ZFHX3: variants seen among roughly 807,000 people sequenced by gnomAD.
ZFHX3 encodes the protein zinc finger homeobox protein 3.
ZFHX3 carries 42 observed loss-of-function variants against 279.1 expected under a neutral mutation model. The observed-to-expected ratio is 0.15, with a 90% CI of 0.12 to 0.19. The LOEUF (loss-of-function observed/expected upper bound fraction) is 0.19. Among genes scored for constraint, ZFHX3 ranks in the 10% least tolerant of loss-of-function variants. The probability of loss-of-function intolerance (pLI) is 1.00; values close to 1 mark genes in which losing one functional copy is unlikely to be tolerated. For synonymous variants in ZFHX3, 2,293 were observed against 1,957.8 expected, an observed-to-expected ratio of 1.17 and a Z score of -4.52; for missense variants, 4,981 against 4,754.0, an observed-to-expected ratio of 1.05 and a Z score of -1.40.
chr16:73,223,598 C>T (rs1002331036), intron 5 of ZFHX3, among the ~76,000 whole-genome samples: 6 of 152,160 alleles, frequency 3.9e-5, no homozygotes, highest in African/African-American at 1.4e-4. Flanking sequence ...TCATTTACTG[C>T]TGATGGGAAT....
intron 5 of ZFHX3, among the ~76,000 whole-genome samples, chr16:73,179,026 CATAA>C (rs1455836042): frequency 1.3e-5 from 2 of 152,212 alleles, no homozygotes; most frequent in Non-Finnish European, 1.5e-5. Context: ...CTCACACCAA[CATAA>C]CCAAAGATTT....
intron 1 of ZFHX3, among the ~76,000 whole-genome samples, chr16:72,987,263 A>T (rs1056520921): frequency 2.0e-5 from 3 of 152,242 alleles, no homozygotes; most frequent in Non-Finnish European, 4.4e-5. Flanking sequence ...ATAGCAGCTA[A>T]GAATATTTTA....
At chr16:73,565,928 G>T (rs550837684) in intron 2 of ZFHX3, among the ~76,000 whole-genome samples, 1 of 152,140 alleles carries the variant, frequency 6.6e-6, no homozygotes, top group Admixed American at 6.5e-5. Context: ...GATTTAAAAA[G>T]TAACACATAA....
At chr16:73,271,026 G>A (rs2014129212) in intron 4 of ZFHX3, among the ~76,000 whole-genome samples, 1 of 152,172 alleles carries the variant, frequency 6.6e-6, no homozygotes, top group Non-Finnish European at 1.5e-5. Flanking sequence ...TCATTAAGAA[G>A]TTCTCACAAA....
chr16:73,506,617 A>G (rs2019330929), intron 2 of ZFHX3, among the ~76,000 whole-genome samples: 1 of 152,188 alleles, frequency 6.6e-6, no homozygotes, highest in Admixed American at 6.5e-5. Context: ...AGGGGTTCAG[A>G]TGGCTTTTCT....
intron 3 of ZFHX3, among the ~76,000 whole-genome samples, chr16:72,923,773 A>T (rs1439721247): frequency 6.6e-6 from 1 of 152,170 alleles, no homozygotes; most frequent in Non-Finnish European, 1.5e-5. Context: ...TGAAAAAGCT[A>T]AGGAAATCAG....
intron 1 of ZFHX3, among the ~76,000 whole-genome samples, chr16:73,054,955 T>C (rs1965517919): frequency 6.6e-6 from 1 of 151,786 alleles, no homozygotes; most frequent in Non-Finnish European, 1.5e-5. Flanking sequence ...GCCATCTTCC[T>C]AAACCCAAAA....
chr16:73,010,738 G>C (rs764277192), intron 1 of ZFHX3, among the ~76,000 whole-genome samples: 1 of 152,140 alleles, frequency 6.6e-6, no homozygotes, highest in South Asian at 2.1e-4. Flanking sequence ...TTGGGCACAC[G>C]AGTTCTACTC....
chr16:73,868,788 T>C (rs1962096047), intron 1 of ZFHX3, among the ~76,000 whole-genome samples: 1 of 152,148 alleles, frequency 6.6e-6, no homozygotes, highest in Non-Finnish European at 1.5e-5. Context: ...TCTTTCTTTT[T>C]TTAATGAGCA....
At chr16:73,171,402 T>A (rs909443464) in intron 5 of ZFHX3, among the ~76,000 whole-genome samples, 3 of 150,744 alleles carry the variant, frequency 2.0e-5, no homozygotes, top group Non-Finnish European at 4.4e-5. Context: ...GAGCTCTGTC[T>A]GTGTGACTCT....
At chr16:73,523,802 C>A (rs1056526096) in intron 2 of ZFHX3, among the ~76,000 whole-genome samples, 1 of 152,010 alleles carries the variant, frequency 6.6e-6, no homozygotes, top group East Asian at 1.9e-4. Flanking sequence ...AACAAACTTA[C>A]AATATTTAGA....
chr16:72,898,039 G>C (rs945819072), intron 3 of ZFHX3, among the ~76,000 whole-genome samples: 4 of 152,164 alleles, frequency 2.6e-5, no homozygotes, highest in African/African-American at 9.7e-5. Context: ...ACCAGGAGTG[G>C]GGGAGGTTAA....
At chr16:73,499,290 G>A (rs948994221) in intron 2 of ZFHX3, 2 of 152,178 alleles carry the variant, frequency 1.3e-5, no homozygotes, top group African/African-American at 4.8e-5. Flanking sequence ...GCCAGAGAGA[G>A]CGGCAACTTC....
chr16:73,334,810 CTTTTTTTTTTTTTT>C (rs368597124), intron 3 of ZFHX3, among the ~76,000 whole-genome samples: 4 of 57,860 alleles, frequency 6.9e-5, no homozygotes, highest in Non-Finnish European at 1.4e-4. Context: ...CTTTCTCATT[CTTTTTTTTTTTTTT>C]TTTTTTTTTT....
chr16:73,852,563 G>A (rs1178755989), intron 1 of ZFHX3, among the ~76,000 whole-genome samples: 1 of 152,094 alleles, frequency 6.6e-6, no homozygotes, highest in Non-Finnish European at 1.5e-5. Flanking sequence ...GTATCTAAAG[G>A]TTTATGAACT....
intron 8 of ZFHX3, among the ~76,000 whole-genome samples, chr16:73,085,984 G>C (rs1439658959): frequency 6.0e-5 from 3 of 50,374 alleles, no homozygotes; most frequent in East Asian, 5.4e-4. Context: ...CAACTCAATT[G>C]CAAAAAAAAA....
At chr16:72,977,651 C>G (rs967728421) in intron 1 of ZFHX3, among the ~76,000 whole-genome samples, 14 of 151,872 alleles carry the variant, frequency 9.2e-5, no homozygotes, top group Non-Finnish European at 4.4e-5. Flanking sequence ...CTACGATTCA[C>G]TTGGTGTCTA....
At chr16:73,373,673 G>T (rs1467525821) in intron 3 of ZFHX3, among the ~76,000 whole-genome samples, 1 of 152,122 alleles carries the variant, frequency 6.6e-6, no homozygotes, top group Non-Finnish European at 1.5e-5. Flanking sequence ...AAAATGAGGC[G>T]GTACATGATA....
At chr16:73,537,650 C>T (rs1278085321) in intron 2 of ZFHX3, among the ~76,000 whole-genome samples, 2 of 152,108 alleles carry the variant, frequency 1.3e-5, no homozygotes, top group South Asian at 2.1e-4. Context: ...ATAGAGGCTA[C>T]AATTGTGCTT....
Sources: gnomAD v4.1 joint callset for allele counts (sites outside exome capture counted in the v4.1 genomes callset) on GRCh38, gnomAD v4.1.1 for gene constraint, MANE v1.5 for transcripts, NCBI Gene and HGNC (gene_info 2026-07-23, HGNC 2026-07-21) for gene names.